Variants in TRIM33 observed in about 807,000 individuals in gnomAD.
The protein encoded by TRIM33 is tripartite motif containing 33.
Under a neutral mutation model 125.4 loss-of-function variants are expected in TRIM33, and 20 were observed. The observed-to-expected ratio is 0.16, with a 90% CI of 0.11 to 0.23. TRIM33 has a LOEUF of 0.23. TRIM33 is among the 10% of genes least tolerant of loss of function. The probability of loss-of-function intolerance (pLI) is 1.00; values close to 1 mark genes in which losing one functional copy is unlikely to be tolerated. For missense variants in TRIM33, 920 were observed against 1,411.4 expected (o/e 0.65, Z 5.58); for synonymous variants, 564 against 513.9 (o/e 1.10, Z -1.32).
At chr1:114,441,804 T>C (rs572120525) in intron 4 of TRIM33, among the ~76,000 whole-genome samples, 2 of 152,338 alleles carry the variant, frequency 1.3e-5, no homozygotes, top group East Asian at 3.9e-4. Context: ...TCTCCTGATA[T>C]TCTTCTCTTT....
intron 1 of TRIM33, among the ~76,000 whole-genome samples, chr1:114,482,331 G>A (rs1052812452): frequency 1.3e-5 from 2 of 152,022 alleles, no homozygotes; most frequent in Admixed American, 6.5e-5. Context: ...GCTCGAAAAA[G>A]AAGACCAAAT....
At chr1:114,453,235 C>A (rs1399256814) in intron 4 of TRIM33, among the ~76,000 whole-genome samples, 2 of 151,638 alleles carry the variant, frequency 1.3e-5, no homozygotes, top group Non-Finnish European at 2.9e-5. Context: ...GTGGTGATGT[C>A]CACCTGTAAT....
At chr1:114,468,512 T>C (rs1376884324) in intron 1 of TRIM33, 1 of 396,968 alleles carries the variant, frequency 2.5e-6, no homozygotes, top group South Asian at 2.1e-5. Flanking sequence ...AAAAAGGTGC[T>C]TCTGATGATC....
Position 114,419,157 on chromosome 1 carries a change from C to T in TRIM33, c.2061+2279G>A, listed in dbSNP as rs577797315. Reference sequence around the variant, plus strand: ...CAGAGGCTGCAGTGAGTCGAGATTGCGCCACTGTACTCCAGCCTGGGCAAC... The same window carrying T: ...CAGAGGCTGCAGTGAGTCGAGATTGTGCCACTGTACTCCAGCCTGGGCAAC... On this transcript the variant is annotated intron_variant, in intron 11 of 19. Transcript: ENST00000358465. Among the ~76,000 whole-genome samples, 279 of 143,496 alleles carry T rather than the reference C, an allele frequency of 1.9e-3. 1 individual carries two copies. The highest frequency in any genetic ancestry group is 6.9e-3 in the African/African-American group (262 of 38,226). 94.1% of individuals were successfully genotyped at this position (143,496 alleles called of 152,430 possible).
At chr1:114,461,231 T>TAC (rs1649967742) in intron 4 of TRIM33, among the ~76,000 whole-genome samples, 1 of 146,640 alleles carries the variant, frequency 6.8e-6, no homozygotes, top group Non-Finnish European at 1.5e-5. Context: ...TATATATATA[T>TAC]ATATACATAT....
Position 114,457,908 on chromosome 1 carries a change from C to T in TRIM33, c.923+5196G>A, listed in dbSNP as rs76340328. On this transcript the variant is annotated intron_variant, in intron 4 of 19. Transcript: ENST00000358465. ...GTAATGGTGATCTTGTGGACTGTTT[C>T]GTAACTTTGAACAGACAATGAAGAA... Among the ~76,000 whole-genome samples, 653 of 152,238 alleles carry T rather than the reference C, an allele frequency of 4.3e-3. 2 individuals carry two copies. Among genetic ancestry groups the T allele is most frequent in the African/African-American group, 0.015 (608 of 41,538 alleles).
intron 11 of TRIM33, chr1:114,420,303 G>A: frequency 1.4e-6 from 1 of 705,912 alleles, no homozygotes; most frequent in Non-Finnish European, 2.3e-6. Context: ...CTACTATCTT[G>A]GCCTTCTAAC....
At chr1:114,477,287 A>T (rs956272006) in intron 1 of TRIM33, among the ~76,000 whole-genome samples, 46 of 152,100 alleles carry the variant, frequency 3.0e-4, no homozygotes, top group Non-Finnish European at 5.4e-4. Flanking sequence ...AACAACCTAA[A>T]TATGAAAGAA....
At chr1:114,479,668 A>T (rs1651183404) in intron 1 of TRIM33, among the ~76,000 whole-genome samples, 1 of 152,242 alleles carries the variant, frequency 6.6e-6, no homozygotes, top group Non-Finnish European at 1.5e-5. Flanking sequence ...TAAATGTAAC[A>T]ATCATGACTA....
intron 1 of TRIM33, among the ~76,000 whole-genome samples, chr1:114,502,221 A>T (rs902918063): frequency 6.6e-6 from 1 of 152,198 alleles, no homozygotes. Flanking sequence ...AAATGTATAA[A>T]TCTGCCACCT....
chr1:114,419,076 G>A (rs1449957470), intron 11 of TRIM33, among the ~76,000 whole-genome samples: 15 of 151,524 alleles, frequency 9.9e-5, no homozygotes, highest in East Asian at 1.9e-4. Flanking sequence ...GCCTGGGGGC[G>A]TGTGCTTCCA....
chr1:114,501,825 A>ATAG (rs10622488), intron 1 of TRIM33, among the ~76,000 whole-genome samples: 4 of 151,476 alleles, frequency 2.6e-5, no homozygotes, highest in Non-Finnish European at 5.9e-5. Flanking sequence ...ATAGCATATA[A>ATAG]GCATTCAAAT....
intron 1 of TRIM33, among the ~76,000 whole-genome samples, chr1:114,502,803 G>A (rs548949396): frequency 1.3e-5 from 2 of 152,166 alleles, no homozygotes; most frequent in Non-Finnish European, 2.9e-5. Context: ...CACCATGTCC[G>A]GCACGACAGG....
At chr1:114,425,322 ACTCTGACTTTTGAACTCTG>A (rs1383797811) in intron 9 of TRIM33, 108 bp downstream of exon 9, 2 of 1,249,664 alleles carry the variant, frequency 1.6e-6, no homozygotes, top group Non-Finnish European at 2.2e-6. Context: ...AAATATTTAA[ACTCTGACTTTTGAACTCTG>A]CTCAGTCTTG....
At position 114,397,589 on chromosome 1, in the gene TRIM33, G is replaced by GA; in HGVS notation, c.*58_*59insT. The GA allele has an allele frequency of 1.6e-6, 1 of 637,684 alleles. No homozygotes were observed. The allele number at this position is 637,684 out of a possible 1,614,324, so 39.5% of individuals were successfully genotyped here. On this transcript the variant is annotated 3_prime_UTR_variant, in exon 20 of 20. Coordinates refer to ENST00000358465, the MANE Select transcript of TRIM33 (RefSeq NM_015906.4). ...CTTAAAAGTTTTCTGGGTTTTTTGTGTTTTTTTTTTTTTTTTCGTTTTTTT... is the reference window on the plus strand; with the variant it reads ...CTTAAAAGTTTTCTGGGTTTTTTGTGATTTTTTTTTTTTTTTTCGTTTTTTT...
At chr1:114,507,080 T>C (rs1653047373) in intron 1 of TRIM33, among the ~76,000 whole-genome samples, 1 of 152,238 alleles carries the variant, frequency 6.6e-6, no homozygotes, top group East Asian at 1.9e-4. Context: ...ATAAACATTT[T>C]GGATTTTAGC....
chr1:114,441,928 AG>A (rs1648680071), intron 4 of TRIM33, among the ~76,000 whole-genome samples: 2 of 152,356 alleles, frequency 1.3e-5, no homozygotes, highest in South Asian at 4.1e-4. Context: ...ATATCCTAAT[AG>A]GATCAGAAAC....
chr1:114,441,162 G>C (rs1557867285), intron 4 of TRIM33, among the ~76,000 whole-genome samples: 1 of 152,152 alleles, frequency 6.6e-6, no homozygotes, highest in Non-Finnish European at 1.5e-5. Flanking sequence ...TTTAAAAAAT[G>C]ACTGGGGGTG....
chr1:114,397,587 G>GTGTTTTTTTTTTTTTTTTT lies in TRIM33; in HGVS notation c.*60_*61insAAAAAAAAAAAAAAAAACA. 5.3e-6 allele frequency: 5 copies of GTGTTTTTTTTTTTTTTTTT among 951,934 alleles called. No homozygotes were observed. Among genetic ancestry groups the GTGTTTTTTTTTTTTTTTTT allele is most frequent in the Non-Finnish European group, 5.7e-6 (4 of 697,840 alleles). 59.0% of individuals were successfully genotyped at this position (951,934 alleles called of 1,614,324 possible). A position where few individuals can be genotyped will look rare whatever the true frequency, so the allele number is the denominator to read the frequency against. ...CACTTAAAAGTTTTCTGGGTTTTTT[G>GTGTTTTTTTTTTTTTTTTT]TGTTTTTTTTTTTTTTTTCGTTTTT... On this transcript the variant is annotated 3_prime_UTR_variant, in exon 20 of 20. Transcript: ENST00000358465.
Sources: gnomAD v4.1 joint callset for allele counts (sites outside exome capture counted in the v4.1 genomes callset) on GRCh38, gnomAD v4.1.1 for gene constraint, MANE v1.5 for transcripts, NCBI Gene and HGNC (gene_info 2026-07-23, HGNC 2026-07-21) for gene names.